BFSP2: variants seen among roughly 807,000 people sequenced by gnomAD.
The protein encoded by BFSP2 is phakinin.
Under a neutral mutation model 44.9 loss-of-function variants are expected in BFSP2, and 38 were observed. That is an observed-to-expected ratio of 0.85 (90% confidence interval 0.65 to 1.11). BFSP2 has a LOEUF of 1.11. Among genes scored for constraint, BFSP2 ranks in the 50% least tolerant of loss-of-function variants. BFSP2 has a pLI of 0.00. For synonymous variants in BFSP2, 197 were observed against 209.9 expected (o/e 0.94, Z 0.53); for missense variants, 525 against 533.0 (o/e 0.99, Z 0.15).
At chr3:133,430,204 C>T (rs573146058) in intron 1 of BFSP2, among the ~76,000 whole-genome samples, 25 of 152,078 alleles carry the variant, frequency 1.6e-4, no homozygotes, top group South Asian at 4.2e-4. Context: ...TGAATAGTGC[C>T]GTAATAAACA....
intron 5 of BFSP2, among the ~76,000 whole-genome samples, chr3:133,469,241 G>A (rs1411485403): frequency 2.0e-5 from 3 of 152,210 alleles, no homozygotes; most frequent in Non-Finnish European, 4.4e-5. Context: ...GCCAAGGTGA[G>A]GAGCACAGAT....
chr3:133,466,745 G>A lies in BFSP2; in HGVS notation c.892-83G>A, dbSNP rs2074114187. 13 of 1,442,074 alleles carry A rather than the reference G, an allele frequency of 9.0e-6. No homozygotes were observed. In the South Asian group the frequency reaches 1.5e-4, roughly 16 times the overall value. 89.3% of individuals were successfully genotyped at this position (1,442,074 alleles called of 1,614,324 possible). ...ATTTCCTCTGGTTAGAGGCAGTGGAGTGGTGATTAGAAAGGCTGGGAAGGA... is the reference window on the plus strand; with the variant it reads ...ATTTCCTCTGGTTAGAGGCAGTGGAATGGTGATTAGAAAGGCTGGGAAGGA... On this transcript the variant is annotated intron_variant, in intron 4 of 6. Coordinates refer to ENST00000302334, the MANE Select transcript of BFSP2 (RefSeq NM_003571.4).
At chr3:133,424,216 T>TGTGTGTGCGTGTGTGTGTGTGTG (rs1559963358) in intron 1 of BFSP2, among the ~76,000 whole-genome samples, 1 of 49,416 alleles carries the variant, frequency 2.0e-5, no homozygotes, top group Admixed American at 1.6e-4. Flanking sequence ...CAGCTAATTT[T>TGTGTGTGCGTGTGTGTGTGTGTG]TTTTTTTTTT....
chr3:133,416,066 AC>A (rs1441320223), intron 1 of BFSP2, among the ~76,000 whole-genome samples: 1 of 65,286 alleles, frequency 1.5e-5, no homozygotes, highest in Non-Finnish European at 3.0e-5. Context: ...CCCTCTACAC[AC>A]CCTGCCATCT....
intron 1 of BFSP2, among the ~76,000 whole-genome samples, chr3:133,404,365 C>A (rs1169243592): frequency 6.6e-6 from 1 of 152,166 alleles, no homozygotes; most frequent in African/African-American, 2.4e-5. Flanking sequence ...GACACCTGCT[C>A]CAAGCCCCTG....
chr3:133,404,161 G>T (rs1173213106), intron 1 of BFSP2, among the ~76,000 whole-genome samples: 2 of 152,094 alleles, frequency 1.3e-5, no homozygotes, highest in Non-Finnish European at 2.9e-5. Context: ...TCTTGCCTTG[G>T]CCTCCCAAAG....
At chr3:133,430,829 T>C (rs907512320) in intron 1 of BFSP2, among the ~76,000 whole-genome samples, 2 of 151,978 alleles carry the variant, frequency 1.3e-5, no homozygotes, top group Admixed American at 1.3e-4. Context: ...CCGAGCTAGG[T>C]CCCAATTCTT....
chr3:133,454,735 TG>T (rs2073997818), intron 4 of BFSP2, among the ~76,000 whole-genome samples: 3 of 152,238 alleles, frequency 2.0e-5, no homozygotes, highest in African/African-American at 7.2e-5. Flanking sequence ...AGGCAACGTA[TG>T]TGAGAAGGGG....
At chr3:133,425,430 C>CA (rs1252491256) in intron 1 of BFSP2, among the ~76,000 whole-genome samples, 2 of 152,194 alleles carry the variant, frequency 1.3e-5, no homozygotes, top group African/African-American at 4.8e-5. Flanking sequence ...GGCCCTCTCC[C>CA]AAGATCCCTT....
intron 1 of BFSP2, chr3:133,404,734 T>G (rs1446376023): frequency 6.6e-6 from 1 of 152,212 alleles, no homozygotes; most frequent in East Asian, 1.9e-4. Flanking sequence ...TTCCTGCTCT[T>G]TGAACATGGG....
chr3:133,406,028 G>A (rs2073400944), intron 1 of BFSP2, among the ~76,000 whole-genome samples: 1 of 152,090 alleles, frequency 6.6e-6, no homozygotes, highest in African/African-American at 2.4e-5. Flanking sequence ...TCGGCTCACT[G>A]CAACCTCCGC....
chr3:133,421,142 G>A (rs2073588907), intron 1 of BFSP2, among the ~76,000 whole-genome samples: 1 of 152,174 alleles, frequency 6.6e-6, no homozygotes, highest in Admixed American at 6.5e-5. Context: ...TATCACCCAG[G>A]ATGGCGGCCA....
chr3:133,401,687 G>A (rs938772559), intron 1 of BFSP2, among the ~76,000 whole-genome samples: 2 of 152,104 alleles, frequency 1.3e-5, no homozygotes, highest in African/African-American at 4.8e-5. Flanking sequence ...GCTGGCCTTG[G>A]GATCCCTCTG....
chr3:133,460,904 T>G (rs2074056394), intron 4 of BFSP2, among the ~76,000 whole-genome samples: 1 of 152,224 alleles, frequency 6.6e-6, no homozygotes, highest in African/African-American at 2.4e-5. Context: ...CTCGAGTGAC[T>G]TGCTCAAACC....
intron 2 of BFSP2, 51 bp from the exon 3 acceptor site, chr3:133,448,438 C>A: frequency 1.2e-6 from 2 of 1,605,196 alleles, no homozygotes; most frequent in South Asian, 1.1e-5. Context: ...TAATCTGATT[C>A]TTTTTCTTTT....
intron 1 of BFSP2, among the ~76,000 whole-genome samples, chr3:133,442,498 T>C (rs2073854910): frequency 6.6e-6 from 1 of 152,144 alleles, no homozygotes; most frequent in African/African-American, 2.4e-5. Flanking sequence ...TGACATGATA[T>C]GATTTTAAGA....
At chr3:133,467,142 A>C (rs1285704722) in intron 5 of BFSP2, among the ~76,000 whole-genome samples, 183 bp downstream of exon 5, 1 of 152,196 alleles carries the variant, frequency 6.6e-6, no homozygotes. Context: ...GGTGCAATAG[A>C]CACTGTAGTG....
At chr3:133,412,298 T>A (rs934105193) in intron 1 of BFSP2, 2 of 152,254 alleles carry the variant, frequency 1.3e-5, no homozygotes, top group Non-Finnish European at 2.9e-5. Flanking sequence ...CTAGAAGACC[T>A]ACCTCATCGG....
chr3:133,472,498 G>GC lies in BFSP2; in HGVS notation c.1180dup (p.Arg394ProfsTer46). 1 of 1,613,298 alleles carries GC rather than the reference G, an allele frequency of 6.2e-7. No individual in the cohort carries two copies. Among genetic ancestry groups the GC allele is most frequent in the Non-Finnish European group, 8.5e-7 (1 of 1,180,004 alleles). ...GCAACAGGAGCGCGCGCATCTGCTG[G>GC]CCCGCAAGTGCCAGCTGCAGAAGGA... On this transcript the variant is annotated frameshift_variant, in exon 6 of 7. Coordinates refer to ENST00000302334, the MANE Select transcript of BFSP2 (RefSeq NM_003571.4). LOFTEE classifies it high-confidence loss of function.
Sources: allele counts gnomAD v4.1 joint callset (sites outside exome capture counted in the v4.1 genomes callset), GRCh38; gene constraint gnomAD v4.1.1; transcripts MANE v1.5; gene names NCBI Gene and HGNC (gene_info 2026-07-23, HGNC 2026-07-21).